The following LRRC20 variants were observed in gnomAD, a reference collection of about 807,000 sequenced individuals.
The protein encoded by LRRC20 is leucine-rich repeat-containing protein 20.
LRRC20 carries 11 observed loss-of-function variants against 14.4 expected under a neutral mutation model. The ratio of observed to expected loss-of-function variants is 0.77; its 90% CI spans 0.48 to 1.27. LRRC20 has a LOEUF of 1.27. Ranked by LOEUF, LRRC20 falls within the 50% of genes most tolerant of loss-of-function variation. LRRC20 has a pLI of 0.00. For synonymous variants in LRRC20, 121 were observed against 107.3 expected (o/e 1.13, Z -0.79); for missense variants, 219 against 251.2 (o/e 0.87, Z 0.87).
chr10:70,376,340 T>C, intron 2 of LRRC20, 112 bp downstream of exon 2: 1 of 1,030,874 alleles, frequency 9.7e-7, no homozygotes, highest in Non-Finnish European at 1.5e-6. Context: ...AAAACACTTA[T>C]TCTCAGGATG....
intron 4 of LRRC20, among the ~76,000 whole-genome samples, chr10:70,320,312 TAGATAGATAG>T (rs1232210689): frequency 2.0e-5 from 3 of 147,712 alleles, no homozygotes; most frequent in Non-Finnish European, 4.6e-5. Context: ...GATAGATAGA[TAGATAGATAG>T]ATAGATAGAT....
chr10:70,360,396 C>G (rs976873946), intron 2 of LRRC20, among the ~76,000 whole-genome samples: 2 of 151,420 alleles, frequency 1.3e-5, no homozygotes, highest in African/African-American at 4.8e-5. Flanking sequence ...CATCTCCCTC[C>G]TCCTCCTCCC....
chr10:70,360,374 C>A (rs946597315), intron 2 of LRRC20, among the ~76,000 whole-genome samples: 1 of 151,430 alleles, frequency 6.6e-6, no homozygotes, highest in Admixed American at 6.6e-5. Flanking sequence ...TCCTCCTCCT[C>A]CTCCTCCTCC....
At chr10:70,334,345 G>A (rs1842642350) in intron 3 of LRRC20, among the ~76,000 whole-genome samples, 1 of 152,054 alleles carries the variant, frequency 6.6e-6, no homozygotes, top group African/African-American at 2.4e-5. Flanking sequence ...AAACCCAGTG[G>A]GCTGAAGTGA....
At chr10:70,346,327 G>A (rs1219334104) in intron 2 of LRRC20, among the ~76,000 whole-genome samples, 2 of 152,102 alleles carry the variant, frequency 1.3e-5, no homozygotes, top group African/African-American at 4.8e-5. Context: ...GAGGTGGGAG[G>A]ATCACTTGGG....
intron 4 of LRRC20, among the ~76,000 whole-genome samples, chr10:70,307,150 T>C (rs540453168): frequency 2.0e-5 from 3 of 152,312 alleles, no homozygotes; most frequent in South Asian, 2.1e-4. Context: ...TAGTGCCCAA[T>C]AGTAAGTGTG....
At chr10:70,312,461 T>C (rs1485444260) in intron 4 of LRRC20, among the ~76,000 whole-genome samples, 1 of 152,158 alleles carries the variant, frequency 6.6e-6, no homozygotes, top group Non-Finnish European at 1.5e-5. Flanking sequence ...TACTGCCACA[T>C]GGTCCTGGAC....
chr10:70,354,754 C>A (rs553359411), intron 2 of LRRC20, among the ~76,000 whole-genome samples: 14 of 152,294 alleles, frequency 9.2e-5, no homozygotes, highest in Non-Finnish European at 1.6e-4. Context: ...CCCCTCTGAG[C>A]AGACTATTTC....
intron 4 of LRRC20, among the ~76,000 whole-genome samples, chr10:70,323,605 G>A (rs1033778561): frequency 1.3e-5 from 2 of 152,232 alleles, no homozygotes; most frequent in African/African-American, 4.8e-5. Context: ...GGCCTACAGT[G>A]GCCTGGCTAG....
intron 4 of LRRC20, among the ~76,000 whole-genome samples, chr10:70,319,294 G>A (rs770256658): frequency 1.1e-4 from 17 of 152,040 alleles, no homozygotes; most frequent in South Asian, 8.3e-4. Flanking sequence ...TGTGACGTTT[G>A]TCTTCACCCT....
chr10:70,304,149 G>A (rs912922622), intron 4 of LRRC20, among the ~76,000 whole-genome samples: 4 of 151,872 alleles, frequency 2.6e-5, no homozygotes, highest in Admixed American at 1.3e-4. Flanking sequence ...CCCTCGACGC[G>A]TGCCCTGTGC....
intron 4 of LRRC20, among the ~76,000 whole-genome samples, chr10:70,309,814 C>T (rs1187230763): frequency 1.3e-5 from 2 of 152,246 alleles, no homozygotes; most frequent in East Asian, 1.9e-4. Flanking sequence ...ATGGGGGGGT[C>T]CCCCTGTCAT....
intron 1 of LRRC20, chr10:70,381,663 C>A (rs973349647): frequency 3.9e-5 from 6 of 152,414 alleles, no homozygotes; most frequent in African/African-American, 1.4e-4. Context: ...GCAAGCTGGC[C>A]CTACCGCTGG....
intron 4 of LRRC20, among the ~76,000 whole-genome samples, chr10:70,311,306 G>A (rs139218241): frequency 0.078 from 11,105 of 142,436 alleles, 660 homozygotes; most frequent in East Asian, 0.3. Context: ...TCAGCTCACT[G>A]CAACCTCCAC....
intron 4 of LRRC20, among the ~76,000 whole-genome samples, chr10:70,309,188 T>A (rs1841543420): frequency 6.6e-6 from 1 of 152,172 alleles, no homozygotes; most frequent in Non-Finnish European, 1.5e-5. Context: ...TTGGCTTTTA[T>A]TTCATGGGGC....
chr10:70,359,529 A>C (rs1843644331), intron 2 of LRRC20, among the ~76,000 whole-genome samples: 1 of 152,194 alleles, frequency 6.6e-6, no homozygotes, highest in Non-Finnish European at 1.5e-5. Context: ...TAACAGAGTG[A>C]GACCTTGTCT....
chr10:70,312,927 A>C (rs958700493), intron 4 of LRRC20, among the ~76,000 whole-genome samples: 4 of 152,192 alleles, frequency 2.6e-5, no homozygotes, highest in Non-Finnish European at 4.4e-5. Flanking sequence ...GTCCTTAAGT[A>C]TGAGCTGCAG....
Position 70,301,313 on chromosome 10 carries a change from G to T in LRRC20, c.*41C>A. On this transcript the variant is annotated 3_prime_UTR_variant, in exon 5 of 5. Transcript: ENST00000446961. ...CCCTCCCTTCCAGGGTTCCAGGCCT[G>T]TGGCCTCTGCCCCTTGCTGGGTGGG... The T allele has an allele frequency of 6.3e-7, 1 of 1,591,652 alleles. No homozygotes were observed. Among genetic ancestry groups the T allele is most frequent in the African/African-American group, 1.3e-5 (1 of 74,770 alleles).
intron 4 of LRRC20, among the ~76,000 whole-genome samples, chr10:70,308,094 A>T (rs982634378): frequency 2.0e-5 from 3 of 152,188 alleles, no homozygotes; most frequent in Non-Finnish European, 4.4e-5. Context: ...GTCTCCTAAA[A>T]GCACTATGGC....
Sources: gnomAD v4.1 joint callset for allele counts (sites outside exome capture counted in the v4.1 genomes callset) on GRCh38, gnomAD v4.1.1 for gene constraint, MANE v1.5 for transcripts, NCBI Gene and HGNC (gene_info 2026-07-23, HGNC 2026-07-21) for gene names.